Variants in NISCH observed in about 807,000 individuals in gnomAD.
NISCH encodes the protein nischarin.
A neutral mutation model predicts 138.4 loss-of-function variants in NISCH; 55 were observed. The ratio of observed to expected loss-of-function variants is 0.40; its 90% CI spans 0.32 to 0.50. The LOEUF is 0.50. Ranked by LOEUF, NISCH falls within the 20% of genes least tolerant of loss-of-function variation. The pLI, the probability that NISCH is intolerant of heterozygous loss-of-function variation, is 0.71. For missense variants in NISCH, 1,643 were observed against 2,005.5 expected, an observed-to-expected ratio of 0.82 and a Z score of 3.45; for synonymous variants, 860 against 861.5, an observed-to-expected ratio of 1.00 and a Z score of 0.03.
At chr3:52,461,224 A>C (rs1706623317) in intron 3 of NISCH, among the ~76,000 whole-genome samples, 1 of 152,056 alleles carries the variant, frequency 6.6e-6, no homozygotes, top group Non-Finnish European at 1.5e-5. Flanking sequence ...GGCCACAGAG[A>C]CTCTGTCTCA....
At chr3:52,484,462 T>TGGGGCGC in intron 13 of NISCH, 51 bp from the exon 14 acceptor site, 1 of 788,670 alleles carries the variant, frequency 1.3e-6, no homozygotes, top group Non-Finnish European at 1.8e-6. Flanking sequence ...ACAGCCGCTC[T>TGGGGCGC]CCCCGCCCCA....
rs931895704 is a variant in NISCH at position 52,480,241 on chromosome 3, C to T, written c.1474C>T (p.Pro492Ser). The change falls in exon 13 of 21, where the codon CCC becomes TCC. Residue 492 changes from proline (P) to serine (S), a missense_variant. Physicochemically the swap from Pro to Ser is moderately conservative, Grantham distance 74. Transcript: ENST00000345716. Reference protein sequence around the residue: ...APCIRPSSSPPTVAPASASLP... With the variant: ...APCIRPSSSPSTVAPASASLP... ...CTGCATCAGACCCAGCAGCTCCCCT[C>T]CCACTGTGGCTCCCGCATCTGCCTC... 1.2e-6 allele frequency: 2 copies of T among 1,613,958 alleles called. No individual in the cohort carries two copies. The highest frequency in any genetic ancestry group is 8.5e-7 in the Non-Finnish European group (1 of 1,179,982).
intron 3 of NISCH, among the ~76,000 whole-genome samples, chr3:52,469,921 GAAA>G (rs985292106): frequency 2.3e-5 from 2 of 85,552 alleles, no homozygotes; most frequent in East Asian, 3.6e-4. Flanking sequence ...TCTCAAAAAA[GAAA>G]AAAAAAAAAA....
rs780536457 is a variant in NISCH at position 52,492,423 on chromosome 3, T to G, written c.4456T>G (p.Leu1486Val). 22 of 1,612,592 alleles carry G rather than the reference T, an allele frequency of 1.4e-5. No individual in the cohort carries two copies. The South Asian group carries it at 2.2e-4, about 16-fold the overall frequency. ...AESREKLISL[L>V]ARQWEALCGR... Reference sequence around the variant, plus strand: ...GAGCAGAGAGAAGCTCATCTCGCTGTTGGCTCGCCAGTGGGAGGCCCTGTG... The same window carrying G: ...GAGCAGAGAGAAGCTCATCTCGCTGGTGGCTCGCCAGTGGGAGGCCCTGTG... The change falls in exon 21 of 21, where the codon TTG (leucine) becomes GTG (valine). Residue 1486 changes from leucine (L) to valine (V), a missense_variant. Transcript: ENST00000345716.
chr3:52,480,508 C>T (rs771939154), intron 13 of NISCH: 105 of 1,517,412 alleles, frequency 6.9e-5, no homozygotes, highest in South Asian at 4.8e-4. Flanking sequence ...TGAGGACTCC[C>T]AATTGCTCTG....
Position 52,487,498 on chromosome 3 carries a change from G to A in NISCH, c.2006G>A (p.Gly669Asp), listed in dbSNP as rs1707433566. Reference sequence around the variant, plus strand: ...GACGTGGAGGAGGAGGAGGGAGGAGGCCAGGGGGAGGAAGAGGAGGAGGAA... The same window carrying A: ...GACGTGGAGGAGGAGGAGGGAGGAGACCAGGGGGAGGAAGAGGAGGAGGAA... ...PPDVEEEEGG[G>D]QGEEEEEEEE... The change falls in exon 16 of 21, where the codon GGC becomes GAC. Residue 669 changes from glycine to aspartate, a missense_variant. Gly to Asp is a moderately conservative substitution (Grantham distance 94, BLOSUM62 -1). Transcript: ENST00000345716. This position sits in a 1 kb window ranked among gnomAD's most constrained non-coding sequence, Gnocchi z 9.1. 6.2e-7 allele frequency: 1 copy of A among 1,602,212 alleles called. No homozygotes were observed. Among genetic ancestry groups the A allele is most frequent in the Non-Finnish European group, 8.5e-7 (1 of 1,172,140 alleles).
At chr3:52,459,600 A>G (rs1442893380) in intron 3 of NISCH, among the ~76,000 whole-genome samples, 1 of 151,792 alleles carries the variant, frequency 6.6e-6, no homozygotes, top group Non-Finnish European at 1.5e-5. Context: ...CACCCAGCTA[A>G]TTTTTGTATT....
chr3:52,463,567 G>C (rs113147425), intron 3 of NISCH, among the ~76,000 whole-genome samples: 1 of 152,116 alleles, frequency 6.6e-6, no homozygotes, highest in Non-Finnish European at 1.5e-5. Flanking sequence ...GTTTCCATCG[G>C]CAGTGTATAG....
intron 13 of NISCH, among the ~76,000 whole-genome samples, chr3:52,482,453 G>C (rs1707302096): frequency 6.6e-6 from 1 of 152,212 alleles, no homozygotes; most frequent in Admixed American, 6.5e-5. Context: ...TGTGTGGAGA[G>C]GTGGTTAGGA....
At chr3:52,469,428 G>A (rs903183247) in intron 3 of NISCH, among the ~76,000 whole-genome samples, 1 of 152,202 alleles carries the variant, frequency 6.6e-6, no homozygotes, top group Admixed American at 6.5e-5. Flanking sequence ...GGGTGTCGGC[G>A]CTTGTCCACC....
chr3:52,466,850 T>A (rs1219647035), intron 3 of NISCH, among the ~76,000 whole-genome samples: 1 of 152,154 alleles, frequency 6.6e-6, no homozygotes, highest in Non-Finnish European at 1.5e-5. Flanking sequence ...AGTGTTTACA[T>A]GAAGCTCAAA....
chr3:52,480,161 C>T (rs1707227006), intron 12 of NISCH, 23 bp from the exon 13 acceptor site: 4 of 1,613,330 alleles, frequency 2.5e-6, no homozygotes, highest in Non-Finnish European at 3.4e-6. Flanking sequence ...CTCTCCCGGG[C>T]TGACTCAAGC....
chr3:52,478,391 G>A, intron 10 of NISCH, 58 bp from the exon 11 acceptor site: 1 of 1,610,396 alleles, frequency 6.2e-7, no homozygotes, highest in South Asian at 1.1e-5. Context: ...AAACGTGTTG[G>A]CGTGTTGCTG....
intron 2 of NISCH, among the ~76,000 whole-genome samples, 185 bp downstream of exon 2, chr3:52,458,111 A>T (rs1030632728): frequency 6.6e-6 from 1 of 152,282 alleles, no homozygotes; most frequent in Admixed American, 6.5e-5. Context: ...CAGCTCTAGC[A>T]TGAGCCACTC....
chr3:52,458,876 T>A (rs370664333), intron 3 of NISCH, 32 bp downstream of exon 3: 15 of 1,555,636 alleles, frequency 9.6e-6, no homozygotes, highest in Non-Finnish European at 1.2e-5. Context: ...CACCTGTGCC[T>A]GCAAACCCAC....
Position 52,480,308 on chromosome 3 carries a change from G to A in NISCH, c.1528+13G>A, listed in dbSNP as rs1559636404. On this transcript the variant is annotated intron_variant, in intron 13 of 20. Coordinates refer to ENST00000345716, the MANE Select transcript of NISCH (RefSeq NM_007184.4). ...CTCTCTAACCAAGGTAATCGTGTATGTATCTTGCTTCTAGTGGAGCCACAC... is the reference window on the plus strand; with the variant it reads ...CTCTCTAACCAAGGTAATCGTGTATATATCTTGCTTCTAGTGGAGCCACAC... The A allele has an allele frequency of 6.2e-7, 1 of 1,613,700 alleles. No homozygotes were observed. Among genetic ancestry groups the A allele is most frequent in the Non-Finnish European group, 8.5e-7 (1 of 1,180,010 alleles).
intron 3 of NISCH, among the ~76,000 whole-genome samples, chr3:52,460,186 CAAAAAAAAAAAA>C (rs60865450): frequency 3.6e-5 from 2 of 56,204 alleles, no homozygotes; most frequent in South Asian, 1.0e-3. Flanking sequence ...GACTTCATCT[CAAAAAAAAAAAA>C]AAAAAAAAAA....
In NISCH at chr3:52,491,843, G is replaced by A. The variant is rs759627872; in HGVS notation, c.3905-29G>A. On this transcript the variant is annotated intron_variant, in intron 20 of 20. Coordinates refer to ENST00000345716, the MANE Select transcript of NISCH (RefSeq NM_007184.4). Reference sequence around the variant, plus strand: ...CAGCCCCACCAGGGGCCGGTTCCAGGCTATAGCCCAGGTGGCATCTCTCTG... The same window carrying A: ...CAGCCCCACCAGGGGCCGGTTCCAGACTATAGCCCAGGTGGCATCTCTCTG... The A allele has an allele frequency of 5.8e-6, 9 of 1,549,016 alleles. No homozygotes were observed. The East Asian group carries it at 1.6e-4, about 27-fold the overall frequency.
At chr3:52,476,375 C>T (rs1370383830) in intron 7 of NISCH, 72 bp from the exon 8 acceptor site, 1 of 1,552,928 alleles carries the variant, frequency 6.4e-7, no homozygotes, top group Admixed American at 1.7e-5. Context: ...TTAAATTCTG[C>T]AACGACTGTG....
Sources: gnomAD v4.1 joint callset for allele counts (sites outside exome capture counted in the v4.1 genomes callset) on GRCh38, gnomAD v4.1.1 for gene constraint, Gnocchi (gnomAD v3.1) non-coding constraint, MANE v1.5 for transcripts, NCBI Gene and HGNC (gene_info 2026-07-23, HGNC 2026-07-21) for gene names.